CLNK: variants seen among roughly 807,000 people sequenced by gnomAD.
CLNK encodes cytokine dependent hematopoietic cell linker.
A neutral mutation model predicts 68.6 loss-of-function variants in CLNK; 74 were observed. That is an observed-to-expected ratio of 1.08 (90% confidence interval 0.89 to 1.31). The LOEUF (loss-of-function observed/expected upper bound fraction) is 1.31, where lower values mean the gene tolerates loss of function less well. Among genes scored for constraint, CLNK ranks in the 50% most tolerant of loss-of-function variants. The pLI, the probability that CLNK is intolerant of heterozygous loss-of-function variation, is 0.00. For synonymous variants in CLNK, 198 were observed against 172.2 expected (o/e 1.15, Z -1.17); for missense variants, 553 against 515.3 (o/e 1.07, Z -0.71).
At chr4:10,664,604 A>T (rs1384232490) in intron 2 of CLNK, among the ~76,000 whole-genome samples, 1 of 152,192 alleles carries the variant, frequency 6.6e-6, no homozygotes, top group East Asian at 1.9e-4. Flanking sequence ...TCAGGCTTTA[A>T]TGTGTCCAAG....
At chr4:10,585,113 C>T (rs1366104941) in intron 3 of CLNK, among the ~76,000 whole-genome samples, 158 bp from the exon 4 acceptor site, 1 of 152,018 alleles carries the variant, frequency 6.6e-6, no homozygotes, top group African/African-American at 2.4e-5. Context: ...ACATATTATT[C>T]TATTATATAT....
chr4:10,725,818 C>A, the CLNK span, among the ~76,000 whole-genome samples: 11 of 151,252 alleles, frequency 7.3e-5, no homozygotes, highest in East Asian at 2.0e-4. Flanking sequence ...TGCGCCACTG[C>A]ACTCCAGCCT....
chr4:10,718,208 C>A, the CLNK span, among the ~76,000 whole-genome samples: 2 of 152,016 alleles, frequency 1.3e-5, no homozygotes, highest in South Asian at 2.1e-4. Context: ...GCCATTGGAG[C>A]CCAAGAAAGA....
chr4:10,732,428 AC>A, the CLNK span, among the ~76,000 whole-genome samples: 1 of 152,222 alleles, frequency 6.6e-6, no homozygotes, highest in Non-Finnish European at 1.5e-5. Flanking sequence ...TGAAAAAGCT[AC>A]AGGTTTTTAA....
intron 4 of CLNK, among the ~76,000 whole-genome samples, chr4:10,581,726 A>G (rs144839494): frequency 1.5e-3 from 235 of 151,838 alleles, no homozygotes; most frequent in African/African-American, 5.2e-3. Context: ...GAATGAATGG[A>G]TGGGTGAGTG....
At chr4:10,706,952 A>G in the CLNK span, among the ~76,000 whole-genome samples, 1 of 152,056 alleles carries the variant, frequency 6.6e-6, no homozygotes, top group African/African-American at 2.4e-5. Context: ...GTGTTTAGGC[A>G]TGACTTTTTA....
chr4:10,520,713 A>T, intron 15 of CLNK, 78 bp downstream of exon 15: 1 of 1,116,444 alleles, frequency 9.0e-7, no homozygotes. Context: ...TGGGGTTCAC[A>T]ACAGCTAAGT....
At chr4:10,500,033 A>G (rs1026460828) in intron 18 of CLNK, among the ~76,000 whole-genome samples, 2 of 152,200 alleles carry the variant, frequency 1.3e-5, no homozygotes, top group Non-Finnish European at 1.5e-5. Context: ...GATTCAGCCT[A>G]TAACAATGCA....
At chr4:10,632,676 T>A (rs1178357337) in intron 2 of CLNK, among the ~76,000 whole-genome samples, 2 of 151,976 alleles carry the variant, frequency 1.3e-5, no homozygotes, top group Non-Finnish European at 2.9e-5. Context: ...CACAACAGAC[T>A]TTCTCTTTGT....
intron 17 of CLNK, among the ~76,000 whole-genome samples, chr4:10,504,419 G>A (rs111868454): frequency 3.3e-5 from 5 of 151,982 alleles, no homozygotes; most frequent in East Asian, 1.9e-4. Flanking sequence ...TGCGTGCCCC[G>A]CCATAAACGT....
chr4:10,698,103 C>T, the CLNK span, among the ~76,000 whole-genome samples: 1 of 152,150 alleles, frequency 6.6e-6, no homozygotes, highest in Non-Finnish European at 1.5e-5. Context: ...GAGAGGTGAA[C>T]ATCCATGAAC....
intron 2 of CLNK, among the ~76,000 whole-genome samples, chr4:10,645,827 G>A (rs532504827): frequency 6.6e-6 from 1 of 152,198 alleles, no homozygotes; most frequent in South Asian, 2.1e-4. Context: ...GTAGCTAGAA[G>A]AGAAGAATTT....
intron 18 of CLNK, among the ~76,000 whole-genome samples, chr4:10,492,869 C>T (rs946262352): frequency 1.2e-4 from 18 of 152,284 alleles, no homozygotes; most frequent in African/African-American, 3.6e-4. Context: ...CCTTCTCTCC[C>T]GCCTGAGCTC....
At chr4:10,525,313 C>T (rs1718263124) in intron 14 of CLNK, among the ~76,000 whole-genome samples, 2 of 152,168 alleles carry the variant, frequency 1.3e-5, no homozygotes, top group South Asian at 4.1e-4. Flanking sequence ...GATCCACCTG[C>T]CTCGGCCTCC....
chr4:10,566,183 G>A (rs1353126981), intron 5 of CLNK, 33 bp from the exon 6 acceptor site: 5 of 1,610,536 alleles, frequency 3.1e-6, no homozygotes, highest in East Asian at 4.5e-5. Context: ...GTGAGTCAAA[G>A]GAAGGTACAA....
chr4:10,717,693 T>C, the CLNK span, among the ~76,000 whole-genome samples: 1 of 152,170 alleles, frequency 6.6e-6, no homozygotes, highest in East Asian at 1.9e-4. Flanking sequence ...ACCCACACTA[T>C]CCCTGGGAGC....
chr4:10,664,733 G>T (rs1724325050), intron 2 of CLNK, among the ~76,000 whole-genome samples: 1 of 152,210 alleles, frequency 6.6e-6, no homozygotes, highest in Non-Finnish European at 1.5e-5. Context: ...CTGCTGCTGT[G>T]CAGCCTGCCC....
At chr4:10,495,008 G>C (rs1295824289) in intron 18 of CLNK, among the ~76,000 whole-genome samples, 1 of 151,930 alleles carries the variant, frequency 6.6e-6, no homozygotes, top group Non-Finnish European at 1.5e-5. Flanking sequence ...ACACACATGA[G>C]AGTGAAAGAA....
chr4:10,623,059 G>T (rs1410487615), intron 2 of CLNK, among the ~76,000 whole-genome samples: 1 of 152,020 alleles, frequency 6.6e-6, no homozygotes, highest in Non-Finnish European at 1.5e-5. Flanking sequence ...ATGTCAATTT[G>T]GGGGAAACAC....
Sources: gnomAD v4.1 joint callset for allele counts (sites outside exome capture counted in the v4.1 genomes callset) on GRCh38, gnomAD v4.1.1 for gene constraint, MANE v1.5 for transcripts, NCBI Gene and HGNC (gene_info 2026-07-23, HGNC 2026-07-21) for gene names.